U2SURP: variants seen among roughly 807,000 people sequenced by gnomAD.
U2SURP encodes U2 snRNP associated SURP domain containing, also known as U2 snRNP-associated SURP motif-containing protein.
Under a neutral mutation model 144.9 loss-of-function variants are expected in U2SURP, and 9 were observed. That is an observed-to-expected ratio of 0.06 (90% CI 0.04 to 0.11). The LOEUF (loss-of-function observed/expected upper bound fraction) is 0.11. Ranked by LOEUF, U2SURP falls within the 10% of genes least tolerant of loss-of-function variation. U2SURP has a pLI of 1.00. For synonymous variants in U2SURP, 408 were observed against 396.8 expected (o/e 1.03, Z -0.33); for missense variants, 724 against 1,226.7 (o/e 0.59, Z 6.12).
At chr3:143,050,826 A>G (rs920240836) in intron 24 of U2SURP, 113 bp from the exon 25 acceptor site, 4 of 658,688 alleles carry the variant, frequency 6.1e-6, no homozygotes, top group East Asian at 6.1e-5. Context: ...AGGTGAGGTT[A>G]TATTTTGACT....
intron 16 of U2SURP, among the ~76,000 whole-genome samples, chr3:143,031,394 T>TG (rs899058903): frequency 4.6e-5 from 7 of 152,114 alleles, no homozygotes; most frequent in African/African-American, 1.7e-4. Flanking sequence ...AAGAAATTGC[T>TG]GCAGCCACCC....
intron 7 of U2SURP, among the ~76,000 whole-genome samples, chr3:143,020,315 G>A (rs538255612): frequency 3.3e-5 from 5 of 152,326 alleles, no homozygotes; most frequent in African/African-American, 1.2e-4. Context: ...TGGGATGGGA[G>A]TGAGGGGCAG....
intron 16 of U2SURP, among the ~76,000 whole-genome samples, chr3:143,031,094 T>A (rs375206101): frequency 5.2e-4 from 79 of 152,286 alleles, no homozygotes; most frequent in African/African-American, 1.9e-3. Context: ...ATTGCTGTGA[T>A]CTCATGATAA....
intron 13 of U2SURP, among the ~76,000 whole-genome samples, chr3:143,025,123 T>A (rs1252227927): frequency 6.6e-6 from 1 of 152,142 alleles, no homozygotes; most frequent in African/African-American, 2.4e-5. Flanking sequence ...TTTTAAATAA[T>A]CATGAAACAT....
intron 18 of U2SURP, chr3:143,034,670 A>G: frequency 2.3e-6 from 1 of 427,852 alleles, no homozygotes; most frequent in East Asian, 4.0e-5. Context: ...GGGAACTAGT[A>G]GGGACTGTTG....
chr3:143,038,033 G>C (rs1442677798), intron 21 of U2SURP, 75 bp from the exon 22 acceptor site: 1 of 1,021,454 alleles, frequency 9.8e-7, no homozygotes, highest in Admixed American at 3.1e-5. Flanking sequence ...TTAATAATAT[G>C]GTGAATACCC....
chr3:143,019,240 C>T (rs199652944), intron 6 of U2SURP, among the ~76,000 whole-genome samples: 1 of 152,080 alleles, frequency 6.6e-6, no homozygotes, highest in East Asian at 1.9e-4. Context: ...GTTGTCTTTG[C>T]ATTTTCTTGA....
At chr3:143,055,176 C>A in intron 27 of U2SURP, 57 bp downstream of exon 27, 2 of 1,391,822 alleles carry the variant, frequency 1.4e-6, no homozygotes, top group Non-Finnish European at 9.6e-7. Flanking sequence ...GTCATTTCAT[C>A]AGCTTTTGAA....
intron 6 of U2SURP, 101 bp from the exon 7 acceptor site, chr3:143,019,868 C>A: frequency 2.0e-6 from 1 of 502,972 alleles, no homozygotes; most frequent in South Asian, 6.4e-5. Flanking sequence ...ATAATTAGAA[C>A]ATACAATTTG....
At chr3:143,021,956 T>A (rs941621100) in intron 10 of U2SURP, among the ~76,000 whole-genome samples, 1 of 152,214 alleles carries the variant, frequency 6.6e-6, no homozygotes, top group Non-Finnish European at 1.5e-5. Flanking sequence ...CTGTTAATTA[T>A]GATATGGGGA....
chr3:143,022,881 G>A lies in U2SURP; in HGVS notation c.1047G>A (p.Lys349=). 6.3e-7 allele frequency: 1 copy of A among 1,588,842 alleles called. No homozygotes were observed. Among genetic ancestry groups the A allele is most frequent in the African/African-American group, 1.4e-5 (1 of 73,690 alleles). The change falls in exon 12 of 28, where the codon AAG becomes AAA. Residue 349 remains lysine (K), a synonymous_variant. Coordinates refer to ENST00000473835, the MANE Select transcript of U2SURP (RefSeq NM_001080415.2). ...NGKMIMSFEM[K]LGWGKAVPIP... Reference sequence around the variant, plus strand: ...AAATGATTATGTCTTTTGAAATGAAGTTAGGTTGGGGTAAAGCTGTACCTA... The same window carrying A: ...AAATGATTATGTCTTTTGAAATGAAATTAGGTTGGGGTAAAGCTGTACCTA...
chr3:143,002,019 C>G (rs1252412236), intron 1 of U2SURP, among the ~76,000 whole-genome samples: 1 of 152,218 alleles, frequency 6.6e-6, no homozygotes, highest in Non-Finnish European at 1.5e-5. Flanking sequence ...CCAGACAGCG[C>G]CTGGGAGAGA....
intron 1 of U2SURP, 56 bp downstream of exon 1, chr3:143,001,729 C>T: frequency 5.0e-6 from 8 of 1,606,010 alleles, no homozygotes; most frequent in Admixed American, 1.7e-5. Context: ...GTTTGGGGCC[C>T]ACAGACGCTT....
At chr3:143,037,081 C>T in intron 20 of U2SURP, 98 bp from the exon 21 acceptor site, 1 of 1,149,272 alleles carries the variant, frequency 8.7e-7, no homozygotes, top group East Asian at 2.6e-5. Flanking sequence ...TTGTGGGTAT[C>T]CAGTTATGTT....
In U2SURP at chr3:143,010,844, A is replaced by C. The variant is rs1936085901; in HGVS notation, c.75A>C (p.Gly25=). 6.2e-7 allele frequency: 1 copy of C among 1,607,384 alleles called. No homozygotes were observed. The highest frequency in any genetic ancestry group is 1.3e-5 in the African/African-American group (1 of 74,764). The stretch of plus-strand genomic sequence containing the variant: ...GATCATCAGATGTTCATTCATCTGG[A>C]TCTTCAGATGCACATGTGAGTATAG... ...KTRSSDVHSS[G]SSDAHMDASG... The change falls in exon 2 of 28, where the codon GGA becomes GGC. Residue 25 remains glycine, a synonymous_variant. Transcript: ENST00000473835.
chr3:143,032,818 T>C lies in U2SURP; in HGVS notation c.1645T>C (p.Leu549=). The C allele has an allele frequency of 6.2e-7, 1 of 1,613,482 alleles. No homozygotes were observed. The highest frequency in any genetic ancestry group is 1.3e-5 in the African/African-American group (1 of 75,048). Residue 549 remains leucine, a synonymous_variant, in exon 17 of 28, where the codon TTA becomes CTA. Coordinates refer to ENST00000473835, the MANE Select transcript of U2SURP (RefSeq NM_001080415.2). ...TAAATTGGAAGAAATCTTGCGGGGA[T>C]TAACTCCAAGGAAAAATGATATTGG... ...RDKLEEILRG[L]TPRKNDIGDA... is the part of the protein sequence containing the mutation.
rs376035119 is a variant in U2SURP at position 143,051,049 on chromosome 3, A to G, written c.2655A>G (p.Arg885=). ...ACTACAGAGATAAACTTCTTCAACGAGTAAGGAATAAGTATACCCAATAAT... is the reference window on the plus strand; with the variant it reads ...ACTACAGAGATAAACTTCTTCAACGGGTAAGGAATAAGTATACCCAATAAT... The part of the protein sequence containing the change: ...VEHYRDKLLQ[R]EKEKELERER... The change falls in exon 25 of 28, where the codon CGA becomes CGG. Residue 885 remains arginine, a splice_region_variant and synonymous_variant. Coordinates refer to ENST00000473835, the MANE Select transcript of U2SURP (RefSeq NM_001080415.2). 5.7e-5 allele frequency: 91 copies of G among 1,588,602 alleles called. No individual in the cohort carries two copies. Among genetic ancestry groups the G allele is most frequent in the South Asian group, 9.1e-5 (8 of 87,664 alleles).
chr3:143,021,241 GTC>G, intron 8 of U2SURP, 107 bp from the exon 9 acceptor site: 1 of 1,205,452 alleles, frequency 8.3e-7, no homozygotes, highest in Non-Finnish European at 1.2e-6. Flanking sequence ...CTCTCTTTTT[GTC>G]TCTCAGAAAT....
chr3:143,033,419 A>T, intron 18 of U2SURP, 69 bp downstream of exon 18: 1 of 859,392 alleles, frequency 1.2e-6, no homozygotes, highest in Non-Finnish European at 1.8e-6. Flanking sequence ...AGAAAAGAGG[A>T]TTGTTTTGTT....
Sources: allele counts gnomAD v4.1 joint callset (sites outside exome capture counted in the v4.1 genomes callset), GRCh38; gene constraint gnomAD v4.1.1; transcripts MANE v1.5; gene names NCBI Gene and HGNC (gene_info 2026-07-23, HGNC 2026-07-21).